Variants in BANP observed in about 807,000 individuals in gnomAD.
BANP encodes BTG3 associated nuclear protein, also known as protein BANP.
Under a neutral mutation model 68.1 loss-of-function variants are expected in BANP, and 11 were observed. That is an observed-to-expected ratio of 0.16 (90% CI 0.10 to 0.27). The LOEUF (loss-of-function observed/expected upper bound fraction) is 0.27, where lower values mean the gene tolerates loss of function less well. Among genes scored for constraint, BANP ranks in the 10% least tolerant of loss-of-function variants. The pLI is 1.00. For synonymous variants in BANP, 329 were observed against 303.2 expected (o/e 1.09, Z -0.88); for missense variants, 504 against 722.7 (o/e 0.70, Z 3.47).
At chr16:88,056,671 G>A (rs1375928275) in intron 11 of BANP, among the ~76,000 whole-genome samples, 1 of 152,158 alleles carries the variant, frequency 6.6e-6, no homozygotes, top group Non-Finnish European at 1.5e-5. Context: ...GTTTAGCCCC[G>A]CATCAGACTC....
intron 6 of BANP, among the ~76,000 whole-genome samples, chr16:88,007,212 T>C (rs2071484208): frequency 6.6e-6 from 1 of 152,202 alleles, no homozygotes; most frequent in Non-Finnish European, 1.5e-5. Context: ...TAACCTTTCG[T>C]TATTGAAACT....
At chr16:88,075,363 C>T (rs1004959558) in intron 13 of BANP, among the ~76,000 whole-genome samples, 3 of 152,092 alleles carry the variant, frequency 2.0e-5, no homozygotes, top group East Asian at 3.9e-4. Context: ...TTTAGCCGGG[C>T]GTGGTGGTGT....
In BANP at chr16:87,957,510, A is replaced by G. The variant is rs2058324936; in HGVS notation, c.-69+5995A>G. Reference sequence around the variant, plus strand: ...GGAGACCTGGGGCGGTTTTGAGGCAAGCTCACGGAGGCCTGCCGCAGGGCC... The same window carrying G: ...GGAGACCTGGGGCGGTTTTGAGGCAGGCTCACGGAGGCCTGCCGCAGGGCC... On this transcript the variant is annotated intron_variant, in intron 1 of 13. Coordinates refer to ENST00000682872, the MANE Select transcript of BANP (RefSeq NM_001386991.1). This position sits in a 1 kb window ranked among gnomAD's most constrained non-coding sequence, Gnocchi z 4.3. Among the ~76,000 whole-genome samples the G allele has an allele frequency of 6.6e-6, 1 of 152,158 alleles. No homozygotes were observed. Among genetic ancestry groups the G allele is most frequent in the South Asian group, 2.1e-4 (1 of 4,830 alleles).
chr16:88,024,387 G>A (rs117702013), intron 7 of BANP, among the ~76,000 whole-genome samples: 1,832 of 152,178 alleles, frequency 0.012, 14 homozygotes, highest in Middle Eastern at 0.027. Flanking sequence ...ACTTCATGAG[G>A]CTTTTAAAAA....
chr16:87,983,030 C>G (rs2063582658), intron 3 of BANP, among the ~76,000 whole-genome samples: 1 of 152,196 alleles, frequency 6.6e-6, no homozygotes, highest in South Asian at 2.1e-4. Flanking sequence ...ACGGCCCGCT[C>G]TCAGTGGCTG....
chr16:88,027,879 A>G (rs556134804), intron 8 of BANP, among the ~76,000 whole-genome samples: 1 of 152,242 alleles, frequency 6.6e-6, no homozygotes, highest in Non-Finnish European at 1.5e-5. Flanking sequence ...TCCGTGAGGG[A>G]CAGAGGGCCT....
intron 7 of BANP, among the ~76,000 whole-genome samples, chr16:88,021,660 C>A (rs558548565): frequency 7.2e-5 from 11 of 152,042 alleles, no homozygotes; most frequent in East Asian, 3.9e-4. Flanking sequence ...GCCCAAAAAA[C>A]CAAAACAAAT....
intron 9 of BANP, chr16:88,034,977 C>T (rs117773624): frequency 6.0e-4 from 144 of 239,684 alleles, no homozygotes; most frequent in Non-Finnish European, 1.0e-3. Flanking sequence ...CTGCTCTGTC[C>T]AGCCCGGGAC....
chr16:87,969,138 G>A (rs2060655543), intron 1 of BANP, among the ~76,000 whole-genome samples: 1 of 152,160 alleles, frequency 6.6e-6, no homozygotes, highest in Non-Finnish European at 1.5e-5. Context: ...GGGGGCTCTT[G>A]TTGACTCCTG....
intron 1 of BANP, among the ~76,000 whole-genome samples, chr16:87,960,760 TG>T (rs2058982752): frequency 6.6e-6 from 1 of 152,230 alleles, no homozygotes; most frequent in Non-Finnish European, 1.5e-5. Flanking sequence ...GAGTTGTAGT[TG>T]AACTAGCTGC....
At chr16:88,017,574 G>A (rs1467823103) in intron 6 of BANP, among the ~76,000 whole-genome samples, 1 of 152,260 alleles carries the variant, frequency 6.6e-6, no homozygotes, top group Non-Finnish European at 1.5e-5. Context: ...AGTGACTTGT[G>A]AAGGGTCAGC....
intron 11 of BANP, among the ~76,000 whole-genome samples, chr16:88,053,411 C>T (rs1216322231): frequency 2.6e-5 from 4 of 151,008 alleles, no homozygotes; most frequent in South Asian, 2.1e-4. Flanking sequence ...ACCAACACAA[C>T]CACCTTTACC....
intron 4 of BANP, among the ~76,000 whole-genome samples, chr16:87,989,627 CCAGGACA>C (rs1158290416): frequency 2.3e-5 from 3 of 129,840 alleles, no homozygotes; most frequent in Admixed American, 7.6e-5. Context: ...CTGCGCGCAT[CCAGGACA>C]CAGGACACAG....
At chr16:87,988,897 C>G (rs1346483351) in intron 4 of BANP, among the ~76,000 whole-genome samples, 1 of 152,208 alleles carries the variant, frequency 6.6e-6, no homozygotes, top group Admixed American at 6.5e-5. Flanking sequence ...AAGGCCCCCT[C>G]TCTGTGTGTT....
intron 11 of BANP, among the ~76,000 whole-genome samples, chr16:88,043,210 T>G (rs1336414234): frequency 1.3e-5 from 2 of 152,174 alleles, no homozygotes; most frequent in African/African-American, 4.8e-5. Flanking sequence ...CCACTGCTGT[T>G]GGAGTTGAAA....
chr16:88,052,584 C>G (rs2083498631), intron 11 of BANP, among the ~76,000 whole-genome samples: 1 of 151,954 alleles, frequency 6.6e-6, no homozygotes, highest in Non-Finnish European at 1.5e-5. Flanking sequence ...CCACTGCCAA[C>G]ACAACCACCT....
intron 8 of BANP, among the ~76,000 whole-genome samples, chr16:88,031,170 G>C (rs2078090450): frequency 6.6e-6 from 1 of 152,242 alleles, no homozygotes; most frequent in Admixed American, 6.5e-5. Flanking sequence ...CCTGGCGGTG[G>C]TTGCTTTGGG....
At position 88,002,084 on chromosome 16, in the gene BANP, T is replaced by A. The variant is rs1399968731; in HGVS notation, c.363-2211T>A. Among the ~76,000 whole-genome samples the A allele has an allele frequency of 1.3e-5, 2 of 152,174 alleles. No homozygotes were observed. The highest frequency in any genetic ancestry group is 1.3e-4 in the Admixed American group (2 of 15,282). ...TTTTTGAAGAGCTGGATAGGGCTTT[T>A]TGGTTAATTATTGAATCAATGGATG... is the stretch of plus-strand genomic sequence containing the variant. On this transcript the variant is annotated intron_variant, in intron 4 of 13. Coordinates refer to ENST00000682872, the MANE Select transcript of BANP (RefSeq NM_001386991.1). The surrounding 1 kb of genome is among the most constrained non-coding windows in gnomAD (Gnocchi z 4.6).
rs1436719595 is a variant in BANP, at chr16:88,065,270, C to T, written c.1315C>T (p.Leu439=). Residue 439 remains leucine, a synonymous_variant, in exon 12 of 14, where the codon CTA becomes TTA. Coordinates refer to ENST00000682872, the MANE Select transcript of BANP (RefSeq NM_001386991.1). ...IHHVGQDGQL[L]EATRIPCLLA... Reference sequence around the variant, plus strand: ...TTCGTTTTCTTGCCTTTTCCAGCTTCTAGAGGCCACCCGCATCCCCTGCCT... The same window carrying T: ...TTCGTTTTCTTGCCTTTTCCAGCTTTTAGAGGCCACCCGCATCCCCTGCCT... 6 of 761,882 alleles carry T rather than the reference C, an allele frequency of 7.9e-6. No homozygotes were observed. The highest frequency in any genetic ancestry group is 1.4e-5 in the Non-Finnish European group (6 of 415,322). 47.2% of individuals were successfully genotyped at this position (761,882 alleles called of 1,614,324 possible). A position where few individuals can be genotyped will look rare whatever the true frequency, so the allele number is the denominator to read the frequency against.
Sources: allele counts gnomAD v4.1 joint callset (sites outside exome capture counted in the v4.1 genomes callset), GRCh38; gene constraint gnomAD v4.1.1; non-coding constraint Gnocchi (gnomAD v3.1); transcripts MANE v1.5; gene names NCBI Gene and HGNC (gene_info 2026-07-23, HGNC 2026-07-21).